The following FAM193B variants were observed in gnomAD, a reference collection of about 807,000 sequenced individuals.
FAM193B encodes protein FAM193B.
FAM193B carries 27 observed loss-of-function variants against 70.7 expected under a neutral mutation model. That is an observed-to-expected ratio of 0.38 (90% CI 0.28 to 0.53). The LOEUF is 0.53. FAM193B is among the 20% of genes least tolerant of loss of function. FAM193B has a pLI of 0.81. For synonymous variants in FAM193B, 448 were observed against 436.0 expected (o/e 1.03, Z -0.34); for missense variants, 1,022 against 1,072.5 (o/e 0.95, Z 0.66).
intron 8 of FAM193B, among the ~76,000 whole-genome samples, chr5:177,521,547 G>T (rs1375734081): frequency 1.3e-5 from 2 of 152,268 alleles, no homozygotes; most frequent in South Asian, 2.1e-4. Context: ...TACCTTGGTA[G>T]CCTACACTGA....
intron 1 of FAM193B, chr5:177,553,999 G>A (rs1348115277): frequency 3.9e-6 from 5 of 1,285,542 alleles, no homozygotes; most frequent in African/African-American, 3.1e-5. Flanking sequence ...CGGCCGGAAC[G>A]CCCGGAGGCG....
intron 5 of FAM193B, among the ~76,000 whole-genome samples, chr5:177,528,239 G>A (rs1561757006): frequency 6.6e-6 from 1 of 152,222 alleles, no homozygotes; most frequent in Non-Finnish European, 1.5e-5. Flanking sequence ...GAACAGCAGA[G>A]GAGGATGGAT....
At chr5:177,526,823 A>C (rs559298010) in intron 5 of FAM193B, among the ~76,000 whole-genome samples, 76 of 152,366 alleles carry the variant, frequency 5.0e-4, no homozygotes, top group African/African-American at 1.8e-3. Context: ...ATGTTTCTCA[A>C]TTCCATCTGA....
At chr5:177,554,042 C>G in intron 1 of FAM193B, 1 of 1,344,488 alleles carries the variant, frequency 7.4e-7, no homozygotes. Context: ...AGCCTAGTCG[C>G]AGGAGCGCGG....
rs1764392392 is a variant in FAM193B, at chr5:177,538,064, T to C, written c.497A>G (p.Asp166Gly). 1.9e-6 allele frequency: 3 copies of C among 1,552,166 alleles called. No individual in the cohort carries two copies. In the African/African-American group the frequency reaches 4.1e-5, roughly 21 times the overall value. ...GGAAGACGAGGACGAATGAGAGTCA[T>C]CTCCACAAGACTGTGATTTGCAGGA... ...HTSCKSQSCG[D>G]DSHSSSSSSS... Residue 166 changes from aspartate (D) to glycine (G), a missense_variant, in exon 3 of 9, where the codon GAT (aspartate) becomes GGT (glycine). Transcript: ENST00000514747. This position sits in a 1 kb window ranked among gnomAD's most constrained non-coding sequence, Gnocchi z 4.1.
Position 177,536,711 on chromosome 5 carries a change from G to A in FAM193B, c.723C>T (p.His241=), listed in dbSNP as rs567733299. ...EAFPVSEHHQ[H]SDLTAPPNSP... is the part of the protein sequence containing the mutation. ...TGTTAGGGGGAGCAGTGAGGTCTGAGTGCTGGTGGTGCTCCGAGACGGGGA... is the reference window on the plus strand; with the variant it reads ...TGTTAGGGGGAGCAGTGAGGTCTGAATGCTGGTGGTGCTCCGAGACGGGGA... Residue 241 remains histidine (H), a synonymous_variant, in exon 4 of 9, where the codon CAC becomes CAT. Coordinates refer to ENST00000514747, the MANE Select transcript of FAM193B (RefSeq NM_001190946.3). 1.2e-5 allele frequency: 18 copies of A among 1,560,034 alleles called. No homozygotes were observed. The African/African-American group carries it at 2.0e-4, about 18-fold the overall frequency.
intron 1 of FAM193B, 48 bp downstream of exon 1, chr5:177,554,201 G>A (rs943096982): frequency 3.4e-6 from 5 of 1,485,094 alleles, no homozygotes; most frequent in African/African-American, 1.5e-5. Context: ...TCCCGCTCGG[G>A]GAAGGTGAAA....
chr5:177,528,017 C>T (rs2127456561), intron 5 of FAM193B, among the ~76,000 whole-genome samples: 1 of 152,166 alleles, frequency 6.6e-6, no homozygotes, highest in Non-Finnish European at 1.5e-5. Context: ...CATCTCTTTC[C>T]CAGGGAGATG....
chr5:177,545,503 A>T (rs1765310379), intron 1 of FAM193B, among the ~76,000 whole-genome samples: 1 of 152,216 alleles, frequency 6.6e-6, no homozygotes, highest in Non-Finnish European at 1.5e-5. Flanking sequence ...AGATATAAAC[A>T]ACACAAACAA....
chr5:177,542,987 T>C (rs1230945676), intron 1 of FAM193B, among the ~76,000 whole-genome samples: 2 of 152,256 alleles, frequency 1.3e-5, no homozygotes, highest in South Asian at 2.1e-4. Flanking sequence ...GGCAGTCCAA[T>C]GAGACACTGC....
intron 1 of FAM193B, chr5:177,553,412 G>A (rs1766562568): frequency 9.7e-7 from 1 of 1,035,698 alleles, no homozygotes. Context: ...CTTAGGGAGA[G>A]CCACCCAGCC....
chr5:177,547,593 T>C (rs1012160662), intron 1 of FAM193B, among the ~76,000 whole-genome samples: 2 of 152,156 alleles, frequency 1.3e-5, no homozygotes, highest in Non-Finnish European at 2.9e-5. Context: ...CCCAAATTTA[T>C]TTCTTGAAGC....
chr5:177,524,946 G>A lies in FAM193B; in HGVS notation c.1535C>T (p.Pro512Leu), dbSNP rs766274484. The A allele has an allele frequency of 6.6e-7, 1 of 1,507,718 alleles. No individual in the cohort carries two copies. The highest frequency in any genetic ancestry group is 8.9e-7 in the Non-Finnish European group (1 of 1,129,498). The allele number at this position is 1,507,718 out of a possible 1,614,324, so 93.4% of individuals were successfully genotyped here. A position where few individuals can be genotyped will look rare whatever the true frequency, so the allele number is the denominator to read the frequency against. The stretch of plus-strand genomic sequence containing the variant: ...GAGGTTTGAGGGGGGTAGACTCTGA[G>A]GCTCAGGCTCAGCAGCCCCCTCCTT... ...FSKEGAAEPEPQSLPPSNLSG... is the reference protein window; with the variant it reads ...FSKEGAAEPELQSLPPSNLSG... The change falls in exon 6 of 9, where the codon CCT (proline) becomes CTT (leucine). Residue 512 changes from proline (P) to leucine (L), a missense_variant. By Grantham distance (98) the Pro-to-Leu change is moderately conservative (BLOSUM62 -3). Transcript: ENST00000514747.
At chr5:177,539,660 G>A (rs1292887116) in intron 1 of FAM193B, among the ~76,000 whole-genome samples, 2 of 152,224 alleles carry the variant, frequency 1.3e-5, no homozygotes, top group Non-Finnish European at 2.9e-5. Flanking sequence ...CATTTTGGAG[G>A]AGGCGTTTGT....
intron 5 of FAM193B, among the ~76,000 whole-genome samples, chr5:177,526,107 G>C (rs1581848492): frequency 6.6e-6 from 1 of 152,344 alleles, no homozygotes; most frequent in East Asian, 1.9e-4. Flanking sequence ...GCTGGTGAGA[G>C]AAACCAGGGC....
At chr5:177,546,922 G>C (rs1765499866) in intron 1 of FAM193B, among the ~76,000 whole-genome samples, 1 of 152,192 alleles carries the variant, frequency 6.6e-6, no homozygotes, top group Admixed American at 6.5e-5. Context: ...AGATTTACCT[G>C]AATCCTCAGG....
intron 1 of FAM193B, chr5:177,553,309 G>A (rs1359464173): frequency 1.0e-6 from 1 of 988,584 alleles, no homozygotes; most frequent in Non-Finnish European, 1.2e-6. Context: ...CTCATCCGGC[G>A]CCGCATCCGA....
In FAM193B at chr5:177,524,203, T is replaced by C; in HGVS notation, c.2278A>G (p.Lys760Glu). 1 of 1,556,122 alleles carries C rather than the reference T, an allele frequency of 6.4e-7. No individual in the cohort carries two copies. The highest frequency in any genetic ancestry group is 8.7e-7 in the Non-Finnish European group (1 of 1,150,766). ...CACTCACCCAAGGAGGAGGCTGGCT[T>C]CTCCTGCTTGTTGCGGCTCCGGCGG... Reference protein sequence around the residue: ...RSRRSRNKQEKPASSLDDVFL... With the variant: ...RSRRSRNKQEEPASSLDDVFL... Residue 760 changes from lysine (K) to glutamate (E), a missense_variant, in exon 6 of 9, where the codon AAG becomes GAG. Transcript: ENST00000514747.
intron 1 of FAM193B, chr5:177,553,849 C>G: frequency 7.8e-7 from 1 of 1,275,296 alleles, no homozygotes; most frequent in African/African-American, 1.5e-5. Context: ...AGGGAAGAGG[C>G]TGCAGTCGTC....
Sources: allele counts gnomAD v4.1 joint callset (sites outside exome capture counted in the v4.1 genomes callset), GRCh38; gene constraint gnomAD v4.1.1; non-coding constraint Gnocchi (gnomAD v3.1); transcripts MANE v1.5; gene names NCBI Gene and HGNC (gene_info 2026-07-23, HGNC 2026-07-21).